The following MTSS1 variants were observed in gnomAD, a reference collection of about 807,000 sequenced individuals.
MTSS1 encodes protein MTSS 1.
In MTSS1, 18 loss-of-function variants were observed where a neutral mutation model predicts 79.0. The observed-to-expected ratio is 0.23, with a 90% CI of 0.16 to 0.34. The LOEUF is 0.34. Among genes scored for constraint, MTSS1 ranks in the 10% least tolerant of loss-of-function variants. The pLI, the probability that MTSS1 is intolerant of heterozygous loss-of-function variation, is 1.00. For synonymous variants in MTSS1, 341 were observed against 368.6 expected (o/e 0.93, Z 0.86); for missense variants, 815 against 986.2 (o/e 0.83, Z 2.33).
At chr8:124,557,916 TTAATA>T (rs767509222) in intron 10 of MTSS1, 41 bp from the exon 11 acceptor site, 22 of 1,470,744 alleles carry the variant, frequency 1.5e-5, no homozygotes, top group Middle Eastern at 1.8e-4. Flanking sequence ...GGAAAAAAAA[TTAATA>T]TAACAGGATG....
intron 3 of MTSS1, among the ~76,000 whole-genome samples, chr8:124,614,669 G>T (rs908941844): frequency 6.6e-6 from 1 of 152,204 alleles, no homozygotes; most frequent in Non-Finnish European, 1.5e-5. Context: ...TTATATACCC[G>T]CATCAGATGC....
chr8:124,605,633 C>T (rs960395448), intron 3 of MTSS1, among the ~76,000 whole-genome samples: 15 of 146,066 alleles, frequency 1.0e-4, no homozygotes, highest in Non-Finnish European at 4.5e-5. Context: ...TCCCTGCCCT[C>T]GCGCTGGGCT....
At chr8:124,558,818 C>G (rs548156528) in intron 10 of MTSS1, 11 of 1,561,856 alleles carry the variant, frequency 7.0e-6, no homozygotes, top group Non-Finnish European at 9.5e-6. Flanking sequence ...CGGAGGAGGC[C>G]GAGCTGGACG....
rs192064387 is a variant in MTSS1 at position 124,690,172 on chromosome 8, A to G, written c.208+9354T>C. ...CACTGCTGCTGCTCCCGCCGCCGCC[A>G]CCACCATCGCATAATTCACCGGCAT... is the stretch of plus-strand genomic sequence containing the variant. On this transcript the variant is annotated intron_variant, in intron 3 of 13. Transcript: ENST00000518547. Among the ~76,000 whole-genome samples, 77 of 152,314 alleles carry G rather than the reference A, an allele frequency of 5.1e-4. No homozygotes were observed. The East Asian group carries it at 0.014, about 27-fold the overall frequency.
intron 3 of MTSS1, among the ~76,000 whole-genome samples, chr8:124,642,860 T>A (rs1563920210): frequency 6.6e-6 from 1 of 152,254 alleles, no homozygotes; most frequent in South Asian, 2.1e-4. Context: ...CCCAAAGTGC[T>A]GGGATTACAG....
At chr8:124,556,830 C>A (rs1315970371) in intron 11 of MTSS1, among the ~76,000 whole-genome samples, 1 of 152,220 alleles carries the variant, frequency 6.6e-6, no homozygotes, top group Non-Finnish European at 1.5e-5. Flanking sequence ...AACATCAGCC[C>A]TTCTCCCTCC....
chr8:124,699,462 C>T, intron 3 of MTSS1, 64 bp downstream of exon 3: 1 of 1,460,756 alleles, frequency 6.8e-7, no homozygotes, highest in South Asian at 1.1e-5. Context: ...TGTGCAGCCA[C>T]CCAAGGGGAA....
At chr8:124,562,648 GAAATT>G (rs1825587348) in intron 10 of MTSS1, 129 bp downstream of exon 10, 1 of 862,910 alleles carries the variant, frequency 1.2e-6, no homozygotes, top group African/African-American at 1.7e-5. Flanking sequence ...CTAAAGATGA[GAAATT>G]AAACCAGAGG....
chr8:124,601,890 G>A (rs544947527), intron 3 of MTSS1, among the ~76,000 whole-genome samples: 77 of 152,232 alleles, frequency 5.1e-4, no homozygotes, highest in Non-Finnish European at 9.3e-4. Context: ...TATTTTATAA[G>A]GTGAAGTGAC....
intron 1 of MTSS1, among the ~76,000 whole-genome samples, chr8:124,706,492 C>G (rs1299310853): frequency 6.6e-6 from 1 of 152,264 alleles, no homozygotes; most frequent in East Asian, 1.9e-4. Flanking sequence ...ACACCACATT[C>G]ATCAGTTCTG....
At chr8:124,660,126 C>T (rs751053617) in intron 3 of MTSS1, among the ~76,000 whole-genome samples, 25 of 152,178 alleles carry the variant, frequency 1.6e-4, no homozygotes, top group Non-Finnish European at 2.8e-4. Flanking sequence ...CGAGGATATG[C>T]TTGGACTTCA....
At chr8:124,606,169 TTG>T (rs747910318) in intron 3 of MTSS1, among the ~76,000 whole-genome samples, 7,905 of 114,166 alleles carry the variant, frequency 0.069, 407 homozygotes, top group African/African-American at 0.18. Context: ...GTTTGGTTTT[TTG>T]TTTTTTTTTT....
chr8:124,557,907 G>GA (rs560196530), intron 10 of MTSS1, 32 bp from the exon 11 acceptor site: 23 of 1,496,624 alleles, frequency 1.5e-5, no homozygotes, highest in African/African-American at 5.6e-5. Context: ...GGGGGGGAAG[G>GA]AAAAAAAATT....
intron 3 of MTSS1, among the ~76,000 whole-genome samples, chr8:124,693,661 C>A (rs1284824392): frequency 6.6e-6 from 1 of 152,030 alleles, no homozygotes; most frequent in Non-Finnish European, 1.5e-5. Flanking sequence ...CACCTGCCTT[C>A]CTCCTACACA....
At chr8:124,558,768 G>A in intron 10 of MTSS1, 1 of 1,584,840 alleles carries the variant, frequency 6.3e-7, no homozygotes, top group Non-Finnish European at 8.5e-7. Context: ...AGAGGTGGGG[G>A]AGCTGCACTC....
At chr8:124,594,140 G>A (rs902796349) in intron 3 of MTSS1, among the ~76,000 whole-genome samples, 56 of 152,170 alleles carry the variant, frequency 3.7e-4, no homozygotes, top group African/African-American at 1.2e-3. Flanking sequence ...CCCCCACTCC[G>A]TTTCTCTGCT....
intron 10 of MTSS1, among the ~76,000 whole-genome samples, chr8:124,559,358 TC>T (rs1824766616): frequency 6.6e-6 from 1 of 152,164 alleles, no homozygotes; most frequent in African/African-American, 2.4e-5. Flanking sequence ...TCTCCTTTCA[TC>T]AAATGCAGCC....
intron 3 of MTSS1, among the ~76,000 whole-genome samples, chr8:124,649,538 G>A (rs541621624): frequency 9.2e-5 from 14 of 152,238 alleles, no homozygotes; most frequent in Admixed American, 4.6e-4. Context: ...AGGCTGTCTT[G>A]AGGGTCAGCC....
In MTSS1 at chr8:124,552,881, T is replaced by C; in HGVS notation, c.*111A>G. 1 of 1,085,362 alleles carries C rather than the reference T, an allele frequency of 9.2e-7. No homozygotes were observed. The highest frequency in any genetic ancestry group is 2.5e-5 in the East Asian group (1 of 40,264). 67.2% of individuals were successfully genotyped at this position (1,085,362 alleles called of 1,614,324 possible). A position where few individuals can be genotyped will look rare whatever the true frequency, so the allele number is the denominator to read the frequency against. On this transcript the variant is annotated 3_prime_UTR_variant, in exon 14 of 14. Transcript: ENST00000518547. Reference sequence around the variant, plus strand: ...GTCGAGTACTTTCAAAAGAGCTATATTCCGAGTTGCCTACAAAATCTTTTG... The same window carrying C: ...GTCGAGTACTTTCAAAAGAGCTATACTCCGAGTTGCCTACAAAATCTTTTG...
Sources: gnomAD v4.1 joint callset for allele counts (sites outside exome capture counted in the v4.1 genomes callset) on GRCh38, gnomAD v4.1.1 for gene constraint, MANE v1.5 for transcripts, NCBI Gene and HGNC (gene_info 2026-07-23, HGNC 2026-07-21) for gene names.